LRPPRC: variants seen among roughly 807,000 people sequenced by gnomAD.
The protein encoded by LRPPRC is leucine rich pentatricopeptide repeat containing.
A neutral mutation model predicts 180.3 loss-of-function variants in LRPPRC; 120 were observed. That is an observed-to-expected ratio of 0.67 (90% confidence interval 0.57 to 0.77). The LOEUF (loss-of-function observed/expected upper bound fraction) is 0.77. Among genes scored for constraint, LRPPRC ranks in the 30% least tolerant of loss-of-function variants. LRPPRC has a pLI of 0.00. For missense variants in LRPPRC, 2,012 were observed against 1,657.2 expected, an observed-to-expected ratio of 1.21 and a Z score of -3.72; for synonymous variants, 723 against 600.0, an observed-to-expected ratio of 1.21 and a Z score of -3.00.
intron 12 of LRPPRC, 143 bp from the exon 13 acceptor site, chr2:43,960,777 G>T: frequency 1.5e-6 from 1 of 665,936 alleles, no homozygotes; most frequent in East Asian, 2.7e-5. Context: ...TTGAATTTTA[G>T]CAAAAATTTA....
At chr2:43,934,007 T>C (rs551497636) in intron 25 of LRPPRC, among the ~76,000 whole-genome samples, 183 bp downstream of exon 25, 3 of 152,144 alleles carry the variant, frequency 2.0e-5, no homozygotes, top group Non-Finnish European at 2.9e-5. Flanking sequence ...CAGACTGCCT[T>C]TTCTGAACTG....
intron 30 of LRPPRC, among the ~76,000 whole-genome samples, chr2:43,906,838 T>A (rs1033350834): frequency 6.6e-5 from 10 of 152,148 alleles, no homozygotes; most frequent in African/African-American, 2.4e-4. Flanking sequence ...ACCCCTGCAG[T>A]CCCTGGACAC....
At chr2:43,990,891 G>T (rs1047638045) in intron 1 of LRPPRC, among the ~76,000 whole-genome samples, 1 of 150,928 alleles carries the variant, frequency 6.6e-6, no homozygotes, top group African/African-American at 2.4e-5. Flanking sequence ...CGTAGCCCAG[G>T]CTGGAGTGCA....
At position 43,973,848 on chromosome 2, in the gene LRPPRC, T is replaced by C. The variant is rs778542400; in HGVS notation, c.1208A>G (p.His403Arg). The C allele has an allele frequency of 3.7e-6, 6 of 1,613,584 alleles. No homozygotes were observed. Among genetic ancestry groups the C allele is most frequent in the Non-Finnish European group, 5.1e-6 (6 of 1,179,778 alleles). ...GAGGGTGAACTGCAGAGGAAAGGAG[T>C]GCATCTGGACTTCCTTTAACTTCTT... Reference protein sequence around the residue: ...YCKKLKEVQMHSFPLQFTLHC... With the variant: ...YCKKLKEVQMRSFPLQFTLHC... Residue 403 changes from histidine to arginine, a missense_variant, in exon 10 of 38, where the codon CAC becomes CGC. His to Arg is a conservative substitution (Grantham distance 29). Coordinates refer to ENST00000260665, the MANE Select transcript of LRPPRC (RefSeq NM_133259.4).
At chr2:43,899,781 G>A (rs1012730421) in intron 32 of LRPPRC, 176 bp from the exon 33 acceptor site, 8 of 599,208 alleles carry the variant, frequency 1.3e-5, no homozygotes, top group Non-Finnish European at 2.4e-5. Flanking sequence ...TCACATTTAA[G>A]TAGCAAAAAC....
intron 11 of LRPPRC, among the ~76,000 whole-genome samples, chr2:43,966,513 C>T (rs1194414283): frequency 1.3e-5 from 2 of 151,494 alleles, no homozygotes; most frequent in African/African-American, 2.4e-5. Flanking sequence ...TGGGTTCAAG[C>T]GATTCTTCTG....
rs1670614045 is a variant in LRPPRC, at chr2:43,894,573, T to G, written c.3957A>C (p.Glu1319Asp). 2.6e-6 allele frequency: 4 copies of G among 1,563,108 alleles called. No individual in the cohort carries two copies. The highest frequency in any genetic ancestry group is 3.3e-5 in the Admixed American group (2 of 59,924). The change falls in exon 36 of 38, where the codon GAA becomes GAC. Residue 1319 changes from glutamate to aspartate, a missense_variant. By Grantham distance (45) the Glu-to-Asp change is conservative. Transcript: ENST00000260665. Reference protein sequence around the residue: ...ELIPELNEKEEAYNSLMKSYV... With the variant: ...ELIPELNEKEDAYNSLMKSYV... ...AGCTTTTCATGAGGGAATTGTATGC[T>G]TCTTCCTTTTCATTTAATTCAGGAA...
chr2:43,943,140 C>T (rs1485914328), intron 23 of LRPPRC, among the ~76,000 whole-genome samples: 1 of 152,166 alleles, frequency 6.6e-6, no homozygotes. Flanking sequence ...TTATGATTTA[C>T]ATTGCAAATA....
At chr2:43,905,869 C>A in intron 30 of LRPPRC, 89 bp from the exon 31 acceptor site, 1 of 885,136 alleles carries the variant, frequency 1.1e-6, no homozygotes, top group East Asian at 2.4e-5. Context: ...ATTATAAAAA[C>A]TACTGTTCGT....
intron 11 of LRPPRC, among the ~76,000 whole-genome samples, chr2:43,963,993 ACC>A (rs1357110882): frequency 6.6e-6 from 1 of 152,184 alleles, no homozygotes. Context: ...CATTTCTGGC[ACC>A]CCAAACAGTG....
Position 43,963,643 on chromosome 2 carries a change from G to A in LRPPRC, c.1433C>T (p.Thr478Ile). ...LGVHPDQETY[T>I]DYVIPCFDSV... ...ATCAAAGCATGGAATCACATAATCT[G>A]TATATGTTTCCTGATCAGGATGTAC... The change falls in exon 12 of 38, where the codon ACA becomes ATA. Residue 478 changes from threonine (T) to isoleucine (I), a missense_variant. Coordinates refer to ENST00000260665, the MANE Select transcript of LRPPRC (RefSeq NM_133259.4). 6.2e-7 allele frequency: 1 copy of A among 1,612,692 alleles called. No homozygotes were observed. Among genetic ancestry groups the A allele is most frequent in the Non-Finnish European group, 8.5e-7 (1 of 1,178,836 alleles).
At chr2:43,902,476 G>A (rs1350267157) in intron 31 of LRPPRC, 1 of 152,102 alleles carries the variant, frequency 6.6e-6, no homozygotes, top group Non-Finnish European at 1.5e-5. Flanking sequence ...GAACAGCTTA[G>A]TTTTACAGAA....
At chr2:43,927,947 G>C (rs1430799557) in intron 25 of LRPPRC, among the ~76,000 whole-genome samples, 1 of 152,182 alleles carries the variant, frequency 6.6e-6, no homozygotes, top group African/African-American at 2.4e-5. Context: ...AAAACTGCAA[G>C]TTGAAAGCAG....
At position 43,933,429 on chromosome 2, in the gene LRPPRC, T is replaced by A. The variant is rs995184843; in HGVS notation, c.2736+761A>T. On this transcript the variant is annotated intron_variant, in intron 25 of 37. Transcript: ENST00000260665. ...GCGAAGTATAATCTGAGAAAACCCA[T>A]GATTACTGATGTATTTATAAGTTAA... is the stretch of plus-strand genomic sequence containing the variant. 2.8e-4 allele frequency among the ~76,000 whole-genome samples: 42 copies of A among 152,188 alleles called. 1 individual carries two copies. The highest frequency in any genetic ancestry group is 9.4e-4 in the African/African-American group (39 of 41,454).
intron 11 of LRPPRC, among the ~76,000 whole-genome samples, chr2:43,967,815 G>A (rs774791342): frequency 1.2e-4 from 18 of 152,192 alleles, no homozygotes; most frequent in African/African-American, 4.1e-4. Flanking sequence ...ACTTGTAAGC[G>A]AAATTTAAAC....
chr2:43,955,992 T>C (rs939920802), intron 14 of LRPPRC, among the ~76,000 whole-genome samples: 2 of 151,984 alleles, frequency 1.3e-5, no homozygotes, highest in Non-Finnish European at 2.9e-5. Flanking sequence ...TTTATATCTG[T>C]TGATGTGATA....
At chr2:43,911,878 A>G (rs1457812806) in intron 30 of LRPPRC, among the ~76,000 whole-genome samples, 5 of 152,094 alleles carry the variant, frequency 3.3e-5, no homozygotes, top group South Asian at 2.1e-4. Context: ...GGAAACACAA[A>G]TAAGATGTGT....
chr2:43,943,992 C>G, intron 22 of LRPPRC, 98 bp from the exon 23 acceptor site: 1 of 843,180 alleles, frequency 1.2e-6, no homozygotes. Context: ...AATGTAAATT[C>G]TAGTGTATAA....
intron 12 of LRPPRC, among the ~76,000 whole-genome samples, chr2:43,962,409 C>T (rs1190393407): frequency 6.6e-6 from 1 of 152,164 alleles, no homozygotes; most frequent in Non-Finnish European, 1.5e-5. Flanking sequence ...ATGAAAGAAA[C>T]ACTCTAACAT....
Sources: allele counts gnomAD v4.1 joint callset (sites outside exome capture counted in the v4.1 genomes callset), GRCh38; gene constraint gnomAD v4.1.1; transcripts MANE v1.5; gene names NCBI Gene and HGNC (gene_info 2026-07-23, HGNC 2026-07-21).